The following AGAP1 variants were observed in gnomAD, a reference collection of about 807,000 sequenced individuals.
AGAP1 encodes the protein ArfGAP with GTPase domain, ankyrin repeat and PH domain 1, also known as arf-GAP with GTPase, ANK repeat and PH domain-containing protein 1.
In AGAP1, 29 loss-of-function variants were observed where a neutral mutation model predicts 105.3. The ratio of observed to expected loss-of-function variants is 0.28; its 90% confidence interval spans 0.21 to 0.38. The LOEUF (loss-of-function observed/expected upper bound fraction) is 0.38, where lower values mean the gene tolerates loss of function less well. Ranked by LOEUF, AGAP1 falls within the 10% of genes least tolerant of loss-of-function variation. AGAP1 has a pLI of 1.00. For synonymous variants in AGAP1, 509 were observed against 485.9 expected, an observed-to-expected ratio of 1.05 and a Z score of -0.63; for missense variants, 998 against 1,165.1, an observed-to-expected ratio of 0.86 and a Z score of 2.09.
rs2058823823 is a variant in AGAP1, at chr2:236,082,929, C to T, written c.2114+33648C>T. On this transcript the variant is annotated intron_variant, in intron 16 of 17. Coordinates refer to ENST00000304032, the MANE Select transcript of AGAP1 (RefSeq NM_001037131.3). The surrounding 1 kb of genome is among the most constrained non-coding windows in gnomAD (Gnocchi z 4.2). The stretch of plus-strand genomic sequence containing the variant: ...CCAGCACTCTGGGAGGCCGAGGTGG[C>T]CGGATCACCTGAGGTCAGGAATTCA... 6.6e-6 allele frequency among the ~76,000 whole-genome samples: 1 copy of T among 151,438 alleles called. No homozygotes were observed. Among genetic ancestry groups the T allele is most frequent in the Non-Finnish European group, 1.5e-5 (1 of 67,894 alleles).
chr2:235,795,101 A>T (rs1041551565), intron 6 of AGAP1, among the ~76,000 whole-genome samples: 5 of 151,870 alleles, frequency 3.3e-5, no homozygotes, highest in African/African-American at 1.2e-4. Flanking sequence ...ATTTTCTTTG[A>T]GTTGTTTTTT....
rs1295196388 is a variant in AGAP1, at chr2:235,927,054, A to T, written c.1325-3711A>T. On this transcript the variant is annotated intron_variant, in intron 11 of 17. Coordinates refer to ENST00000304032, the MANE Select transcript of AGAP1 (RefSeq NM_001037131.3). This position sits in a 1 kb window ranked among gnomAD's most constrained non-coding sequence, Gnocchi z 4.4. Reference sequence around the variant, plus strand: ...CGTCAGGCGATAGTCTGTGGATCTGATTGAAAGTTTCACCTTTATCACGGT... The same window carrying T: ...CGTCAGGCGATAGTCTGTGGATCTGTTTGAAAGTTTCACCTTTATCACGGT... Among the ~76,000 whole-genome samples the T allele has an allele frequency of 6.6e-6, 1 of 152,218 alleles. No individual in the cohort carries two copies. The highest frequency in any genetic ancestry group is 1.5e-5 in the Non-Finnish European group (1 of 68,038).
intron 13 of AGAP1, among the ~76,000 whole-genome samples, chr2:235,997,917 C>T (rs2055888582): frequency 6.6e-6 from 1 of 151,954 alleles, no homozygotes; most frequent in Admixed American, 6.6e-5. Context: ...TTCGGGGTCT[C>T]GGAGGCTGGT....
chr2:235,702,953 A>C (rs1283264057), intron 1 of AGAP1, among the ~76,000 whole-genome samples: 1 of 13,276 alleles, frequency 7.5e-5, no homozygotes, highest in Non-Finnish European at 1.7e-4. Flanking sequence ...TTTTGGACAG[A>C]GTCTGGCTCT....
intron 1 of AGAP1, among the ~76,000 whole-genome samples, chr2:235,629,505 G>T (rs1946754979): frequency 6.6e-6 from 1 of 151,982 alleles, no homozygotes; most frequent in South Asian, 2.1e-4. Context: ...ATCAGCAGGT[G>T]AGTATCGAGT....
intron 15 of AGAP1, among the ~76,000 whole-genome samples, chr2:236,041,382 G>GT (rs2057545499): frequency 7.3e-6 from 1 of 136,788 alleles, no homozygotes; most frequent in African/African-American, 3.1e-5. Flanking sequence ...ATCAAATGAT[G>GT]TCTTGTTTTT....
chr2:235,686,654 TATA>T (rs1949449767), intron 1 of AGAP1, among the ~76,000 whole-genome samples: 11 of 63,306 alleles, frequency 1.7e-4, no homozygotes, highest in Middle Eastern at 7.4e-3. Flanking sequence ...TAGATATATA[TATA>T]TATATATATT....
At chr2:235,618,384 A>G (rs1191533736) in intron 1 of AGAP1, among the ~76,000 whole-genome samples, 2 of 152,082 alleles carry the variant, frequency 1.3e-5, no homozygotes, top group Non-Finnish European at 1.5e-5. Context: ...TTCTGTTGTC[A>G]TGGGGCACCT....
chr2:235,711,564 G>A (rs912686186), intron 2 of AGAP1, among the ~76,000 whole-genome samples: 5 of 152,188 alleles, frequency 3.3e-5, no homozygotes, highest in Admixed American at 3.3e-4. Context: ...CGATGCTGTT[G>A]GTTCTACAGT....
rs1252063763 is a variant in AGAP1, at chr2:236,124,114, A to G, written c.2566A>G (p.Ile856Val). ...RNNSSGRVPT[I>V]I ...CAACAGCAGTGGGAGGGTGCCCACC[A>G]TCATCTGAGGAACAGCCGTGCCCGC... The change falls in exon 18 of 18, where the codon ATC becomes GTC. Residue 856 changes from isoleucine (I) to valine (V), a missense_variant. Ile to Val is a conservative substitution (Grantham distance 29, BLOSUM62 3). This residue lies in a region of AGAP1 where 235 missense variants were observed against 270.7 expected (regional missense o/e 0.87). Transcript: ENST00000304032. The surrounding 1 kb of genome is among the most constrained non-coding windows in gnomAD (Gnocchi z 5.1). The G allele has an allele frequency of 1.9e-6, 3 of 1,613,920 alleles. No homozygotes were observed. The highest frequency in any genetic ancestry group is 2.2e-5 in the South Asian group (2 of 91,078).
chr2:236,033,884 T>A (rs575898500), intron 13 of AGAP1, among the ~76,000 whole-genome samples: 1 of 152,256 alleles, frequency 6.6e-6, no homozygotes, highest in Non-Finnish European at 1.5e-5. Flanking sequence ...CTAATGGTTG[T>A]AATTTTTTTC....
rs1950488411 is a variant in AGAP1 at position 235,705,375 on chromosome 2, C to T, written c.164-3804C>T. On this transcript the variant is annotated intron_variant, in intron 1 of 17. Coordinates refer to ENST00000304032, the MANE Select transcript of AGAP1 (RefSeq NM_001037131.3). This position sits in a 1 kb window ranked among gnomAD's most constrained non-coding sequence, Gnocchi z 4.9. Reference sequence around the variant, plus strand: ...ACACATCCGGATGTGCATCCACACACTCATGCGCATATGCCCAGCTGTGTT... The same window carrying T: ...ACACATCCGGATGTGCATCCACACATTCATGCGCATATGCCCAGCTGTGTT... Among the ~76,000 whole-genome samples the T allele has an allele frequency of 3.9e-5, 6 of 152,204 alleles. No individual in the cohort carries two copies. The East Asian group carries it at 1.2e-3, about 29-fold the overall frequency.
intron 1 of AGAP1, among the ~76,000 whole-genome samples, chr2:235,572,093 G>C (rs1339947256): frequency 6.7e-6 from 1 of 149,534 alleles, no homozygotes; most frequent in African/African-American, 2.5e-5. Flanking sequence ...TCTGCTCCTG[G>C]CTTTGGGGGC....
At position 236,105,072 on chromosome 2, in the gene AGAP1, A is replaced by G. The variant is rs2125917877; in HGVS notation, c.2115-15120A>G. On this transcript the variant is annotated intron_variant, in intron 16 of 17. Coordinates refer to ENST00000304032, the MANE Select transcript of AGAP1 (RefSeq NM_001037131.3). This position sits in a 1 kb window ranked among gnomAD's most constrained non-coding sequence, Gnocchi z 4.2. ...GCTGCTGGGTGGGAAGATAAAGCTG[A>G]GTTCCTTCTGTCTGTCTCGGTGAGA... 6.6e-6 allele frequency among the ~76,000 whole-genome samples: 1 copy of G among 151,976 alleles called. No individual in the cohort carries two copies. The highest frequency in any genetic ancestry group is 2.1e-4 in the South Asian group (1 of 4,802).
In AGAP1 at chr2:235,690,496, G is replaced by A. The variant is rs1036199289; in HGVS notation, c.164-18683G>A. Among the ~76,000 whole-genome samples, 1 of 152,222 alleles carries A rather than the reference G, an allele frequency of 6.6e-6. No homozygotes were observed. The highest frequency in any genetic ancestry group is 1.5e-5 in the Non-Finnish European group (1 of 68,044). The stretch of plus-strand genomic sequence containing the variant: ...ATAAAGGTGATAGCCAAGGAGGAAA[G>A]CATGGTTTATTCCTAGCTTCCGGTA... On this transcript the variant is annotated intron_variant, in intron 1 of 17. Coordinates refer to ENST00000304032, the MANE Select transcript of AGAP1 (RefSeq NM_001037131.3). The surrounding 1 kb of genome is among the most constrained non-coding windows in gnomAD (Gnocchi z 4.1).
chr2:235,922,722 A>C (rs2052241279), intron 11 of AGAP1, among the ~76,000 whole-genome samples: 1 of 152,242 alleles, frequency 6.6e-6, no homozygotes, highest in South Asian at 2.1e-4. Flanking sequence ...GGATGAAAAC[A>C]TTCTTGTTCA....
At chr2:235,902,377 T>C (rs924402397) in intron 10 of AGAP1, among the ~76,000 whole-genome samples, 2 of 152,222 alleles carry the variant, frequency 1.3e-5, no homozygotes, top group African/African-American at 4.8e-5. Context: ...TTAAAATCCA[T>C]CCAACTGACT....
Position 235,720,717 on chromosome 2 carries a change from G to C in AGAP1, c.310+3073G>C, listed in dbSNP as rs1002787237. Reference sequence around the variant, plus strand: ...TGTTCTTCTGATTTAATTAGTGCGTGAGTATCCTTTATGTCATAATCCTGA... The same window carrying C: ...TGTTCTTCTGATTTAATTAGTGCGTCAGTATCCTTTATGTCATAATCCTGA... On this transcript the variant is annotated intron_variant, in intron 3 of 17. Transcript: ENST00000304032. This position sits in a 1 kb window ranked among gnomAD's most constrained non-coding sequence, Gnocchi z 5.0. 2 of 985,002 alleles carry C rather than the reference G, an allele frequency of 2.0e-6. No individual in the cohort carries two copies. Among genetic ancestry groups the C allele is most frequent in the Admixed American group, 6.1e-5 (1 of 16,262 alleles). The allele number at this position is 985,002 out of a possible 1,614,324, so 61.0% of individuals were successfully genotyped here. A position where few individuals can be genotyped will look rare whatever the true frequency, so the allele number is the denominator to read the frequency against.
chr2:235,694,368 A>G (rs1949894705), intron 1 of AGAP1, among the ~76,000 whole-genome samples: 1 of 151,598 alleles, frequency 6.6e-6, no homozygotes, highest in South Asian at 2.1e-4. Context: ...ATTCCCAGCT[A>G]CTTGGGAGGC....
Sources: allele counts gnomAD v4.1 joint callset (sites outside exome capture counted in the v4.1 genomes callset), GRCh38; gene constraint gnomAD v4.1.1; regional missense constraint gnomAD v4.1.1; non-coding constraint Gnocchi (gnomAD v3.1); transcripts MANE v1.5; gene names NCBI Gene and HGNC (gene_info 2026-07-23, HGNC 2026-07-21).